The following NFIA variants were observed in gnomAD, a reference collection of about 807,000 sequenced individuals.
The protein encoded by NFIA is nuclear factor I A, also known as nuclear factor 1 A-type.
NFIA carries 8 observed loss-of-function variants against 62.8 expected under a neutral mutation model. That is an observed-to-expected ratio of 0.13 (90% confidence interval 0.07 to 0.23). The LOEUF (loss-of-function observed/expected upper bound fraction) is 0.23, where lower values mean the gene tolerates loss of function less well. Among genes scored for constraint, NFIA ranks in the 10% least tolerant of loss-of-function variants. NFIA has a pLI of 1.00. For synonymous variants in NFIA, 235 were observed against 238.1 expected, an observed-to-expected ratio of 0.99 and a Z score of 0.12; for missense variants, 410 against 642.1, an observed-to-expected ratio of 0.64 and a Z score of 3.91.
chr1:61,414,987 G>A (rs981986297), intron 9 of NFIA, among the ~76,000 whole-genome samples: 5 of 152,110 alleles, frequency 3.3e-5, no homozygotes, highest in Non-Finnish European at 7.4e-5. Context: ...ATGTCACTTA[G>A]TGCCAGGGAA....
intron 2 of NFIA, among the ~76,000 whole-genome samples, chr1:61,140,965 G>GTGT (rs1647465111): frequency 5.6e-5 from 5 of 88,634 alleles, no homozygotes; most frequent in East Asian, 3.3e-4. Context: ...CCACAGCTGG[G>GTGT]TTTTTTTTTT....
upstream of NFIA, chr1:61,081,891 T>TG (rs963193138): frequency 1.4e-5 from 22 of 1,544,622 alleles, no homozygotes; most frequent in Non-Finnish European, 1.8e-5. Context: ...CGCATTTCAG[T>TG]GGGGGAAAAA....
At chr1:61,441,212 G>A (rs908051571) in intron 10 of NFIA, among the ~76,000 whole-genome samples, 1 of 151,872 alleles carries the variant, frequency 6.6e-6, no homozygotes, top group Non-Finnish European at 1.5e-5. Context: ...TGACTCAAAC[G>A]CATTGCAATT....
intron 2 of NFIA, among the ~76,000 whole-genome samples, chr1:61,164,027 G>C (rs1418291189): frequency 3.3e-5 from 5 of 152,182 alleles, no homozygotes; most frequent in Non-Finnish European, 7.3e-5. Flanking sequence ...AATAATTGCA[G>C]CTGTATCTTG....
chr1:61,355,837 C>G (rs143043912), intron 5 of NFIA, among the ~76,000 whole-genome samples: 1 of 152,188 alleles, frequency 6.6e-6, no homozygotes, highest in African/African-American at 2.4e-5. Context: ...ATCCTCCTGC[C>G]TTGGCCTCCC....
intron 2 of NFIA, among the ~76,000 whole-genome samples, chr1:61,190,847 G>A (rs1355609991): frequency 2.0e-5 from 3 of 152,074 alleles, no homozygotes; most frequent in Non-Finnish European, 2.9e-5. Context: ...CTTTCTCCAT[G>A]GCAGTCTTTG....
intron 2 of NFIA, among the ~76,000 whole-genome samples, chr1:61,107,471 A>C (rs202201072): frequency 6.8e-5 from 6 of 88,392 alleles, no homozygotes; most frequent in African/African-American, 2.0e-4. Flanking sequence ...GAGCCACTTT[A>C]CTGTGGAATA....
chr1:61,221,122 A>G (rs879432303), intron 2 of NFIA, among the ~76,000 whole-genome samples: 34 of 152,228 alleles, frequency 2.2e-4, no homozygotes, highest in Admixed American at 2.2e-3. Flanking sequence ...AATCAATTTA[A>G]TAATATCTGA....
At chr1:61,136,260 C>A (rs560506779) in intron 2 of NFIA, among the ~76,000 whole-genome samples, 2 of 152,282 alleles carry the variant, frequency 1.3e-5, no homozygotes, top group African/African-American at 4.8e-5. Context: ...AGCTATTTTT[C>A]CTGACAACTG....
intron 2 of NFIA, among the ~76,000 whole-genome samples, chr1:61,261,724 C>A (rs1207673088): frequency 2.6e-5 from 4 of 152,108 alleles, no homozygotes; most frequent in Non-Finnish European, 5.9e-5. Context: ...CAGCCAACAA[C>A]AACAAAAAAA....
chr1:61,155,660 A>G lies in NFIA; in HGVS notation c.559+66980A>G, dbSNP rs1648760665. On this transcript the variant is annotated intron_variant, in intron 2 of 10. Transcript: ENST00000403491. ...TGCAGTCCGCAGTCCGGCCTGGGCG[A>G]CAGAGCGAGACTCCATCTCAAAAAA... 5.2e-5 allele frequency among the ~76,000 whole-genome samples: 6 copies of G among 116,476 alleles called. No individual in the cohort carries two copies. The South Asian group carries it at 1.9e-3, about 37-fold the overall frequency. 76.4% of individuals were successfully genotyped at this position (116,476 alleles called of 152,430 possible).
At chr1:61,402,887 C>G (rs1476291762) in intron 7 of NFIA, among the ~76,000 whole-genome samples, 1 of 152,120 alleles carries the variant, frequency 6.6e-6, no homozygotes, top group Non-Finnish European at 1.5e-5. Flanking sequence ...CAGAAAGTGC[C>G]CCAATCATGA....
intron 3 of NFIA, among the ~76,000 whole-genome samples, chr1:61,328,179 C>G (rs1661061284): frequency 6.6e-6 from 1 of 150,612 alleles, no homozygotes; most frequent in Non-Finnish European, 1.5e-5. Context: ...ATGCATATTT[C>G]TTGTAAACTT....
chr1:61,334,533 A>ATGTGTGTGTGTGTGTGTGTG (rs1176399144), intron 4 of NFIA, among the ~76,000 whole-genome samples: 14 of 8,896 alleles, frequency 1.6e-3, no homozygotes, highest in East Asian at 0.01. Context: ...GTGTGTGTAT[A>ATGTGTGTGTGTGTGTGTGTG]TATGTGTGTG....
chr1:61,204,521 C>G (rs760689810), intron 2 of NFIA, among the ~76,000 whole-genome samples: 1 of 151,998 alleles, frequency 6.6e-6, no homozygotes, highest in Non-Finnish European at 1.5e-5. Context: ...ACAGCCTTTT[C>G]TATGCAATCC....
intron 7 of NFIA, among the ~76,000 whole-genome samples, chr1:61,403,609 C>T (rs939470586): frequency 6.6e-6 from 1 of 152,156 alleles, no homozygotes; most frequent in African/African-American, 2.4e-5. Flanking sequence ...TTACTACATA[C>T]TTCAAAAAAT....
intron 2 of NFIA, among the ~76,000 whole-genome samples, chr1:61,207,105 T>C (rs993889851): frequency 4.6e-5 from 7 of 152,138 alleles, no homozygotes; most frequent in African/African-American, 1.7e-4. Flanking sequence ...TGGGAGGGAA[T>C]GGTTCTGCTG....
At chr1:61,178,250 A>T (rs187672312) in intron 2 of NFIA, among the ~76,000 whole-genome samples, 220 of 152,282 alleles carry the variant, frequency 1.4e-3, no homozygotes, top group Non-Finnish European at 2.3e-3. Flanking sequence ...AAAGCATTTG[A>T]ATTGTGCTTG....
At chr1:61,331,692 G>A (rs1661306446) in intron 3 of NFIA, among the ~76,000 whole-genome samples, 1 of 152,104 alleles carries the variant, frequency 6.6e-6, no homozygotes, top group Non-Finnish European at 1.5e-5. Context: ...TTTAGAGGTA[G>A]AGTGGGAAAC....
Sources: allele counts gnomAD v4.1 joint callset (sites outside exome capture counted in the v4.1 genomes callset), GRCh38; gene constraint gnomAD v4.1.1; transcripts MANE v1.5; gene names NCBI Gene and HGNC (gene_info 2026-07-23, HGNC 2026-07-21).